Variants in DIPK1A observed in about 807,000 individuals in gnomAD.
DIPK1A encodes family with sequence similarity 69 member A.
Under a neutral mutation model 40.8 loss-of-function variants are expected in DIPK1A, and 27 were observed. The ratio of observed to expected loss-of-function variants is 0.66; its 90% CI spans 0.49 to 0.91. The LOEUF is 0.91. DIPK1A is among the 40% of genes least tolerant of loss of function. The pLI is 0.00. For synonymous variants in DIPK1A, 166 were observed against 171.3 expected, an observed-to-expected ratio of 0.97 and a Z score of 0.24; for missense variants, 412 against 505.7, an observed-to-expected ratio of 0.81 and a Z score of 1.78.
intron 2 of DIPK1A, among the ~76,000 whole-genome samples, chr1:92,873,160 C>A (rs1647955186): frequency 6.6e-6 from 1 of 152,142 alleles, no homozygotes; most frequent in Non-Finnish European, 1.5e-5. Context: ...GGGTTCATTC[C>A]TTTAAGGTCT....
chr1:92,897,117 A>T (rs1343323168), intron 1 of DIPK1A, among the ~76,000 whole-genome samples: 4 of 152,180 alleles, frequency 2.6e-5, no homozygotes, highest in East Asian at 3.9e-4. Flanking sequence ...GGGATCTAGA[A>T]CTAGAAATAA....
chr1:92,887,287 A>G (rs552973374), intron 1 of DIPK1A, among the ~76,000 whole-genome samples: 6 of 149,894 alleles, frequency 4.0e-5, no homozygotes, highest in African/African-American at 1.5e-4. Flanking sequence ...TTAGCTAGGC[A>G]TAGTGGCATG....
intron 4 of DIPK1A, among the ~76,000 whole-genome samples, chr1:92,844,958 T>C (rs1183112240): frequency 6.9e-6 from 1 of 144,122 alleles, no homozygotes; most frequent in African/African-American, 2.5e-5. Flanking sequence ...TTTTTTTTTT[T>C]TTTTGAGACG....
At chr1:92,893,131 A>T (rs1202127953) in intron 1 of DIPK1A, among the ~76,000 whole-genome samples, 3 of 151,828 alleles carry the variant, frequency 2.0e-5, no homozygotes. Context: ...GCCAACATTC[A>T]GATTCAGGAA....
At chr1:92,908,511 T>A (rs1252134550) in intron 1 of DIPK1A, among the ~76,000 whole-genome samples, 1 of 152,176 alleles carries the variant, frequency 6.6e-6, no homozygotes, top group Admixed American at 6.5e-5. Context: ...AACATGGAAG[T>A]CACTGTTGAC....
intron 1 of DIPK1A, among the ~76,000 whole-genome samples, chr1:92,913,113 T>A (rs1649900672): frequency 6.6e-6 from 1 of 151,898 alleles, no homozygotes. Flanking sequence ...GATAACAGAG[T>A]TAATCAGGCC....
At chr1:92,901,341 C>T (rs1285273401) in intron 1 of DIPK1A, among the ~76,000 whole-genome samples, 1 of 151,868 alleles carries the variant, frequency 6.6e-6, no homozygotes, top group Non-Finnish European at 1.5e-5. Context: ...GTCCTAGGTG[C>T]AGGGTTTTGC....
rs1651998956 is a variant in DIPK1A, at chr1:92,959,903, C to CCT, written c.54+1472_54+1473insAG. Among the ~76,000 whole-genome samples the CCT allele has an allele frequency of 1.0e-4, 5 of 47,876 alleles. No individual in the cohort carries two copies. The South Asian group carries it at 6.7e-3, about 64-fold the overall frequency. 31.4% of individuals were successfully genotyped at this position (47,876 alleles called of 152,430 possible). On this transcript the variant is annotated intron_variant, in intron 1 of 4. Coordinates refer to ENST00000370310, the MANE Select transcript of DIPK1A (RefSeq NM_001006605.5). ...GCTGGGACCACAGGCACCCAACCAA[C>CCT]TTTTTTTTTTTTTTTTTTTTTTTTG...
rs1301494922 is a variant in DIPK1A, at chr1:92,861,134, A to G, written c.190-10179T>C. Among the ~76,000 whole-genome samples, 5 of 152,180 alleles carry G rather than the reference A, an allele frequency of 3.3e-5. No individual in the cohort carries two copies. The East Asian group carries it at 9.6e-4, about 29-fold the overall frequency. On this transcript the variant is annotated intron_variant, in intron 2 of 4. Transcript: ENST00000370310. ...AACGTATATCCTTGCTTTGATCCTAATATCAGTGATTATATATTCAGACTT... is the reference window on the plus strand; with the variant it reads ...AACGTATATCCTTGCTTTGATCCTAGTATCAGTGATTATATATTCAGACTT...
chr1:92,937,596 A>C (rs1219186634), intron 1 of DIPK1A, among the ~76,000 whole-genome samples: 1 of 152,196 alleles, frequency 6.6e-6, no homozygotes, highest in Non-Finnish European at 1.5e-5. Flanking sequence ...AACTATTGCC[A>C]AAGTTGCTTT....
At chr1:92,940,459 G>T (rs1324065878) in intron 1 of DIPK1A, among the ~76,000 whole-genome samples, 2 of 151,986 alleles carry the variant, frequency 1.3e-5, no homozygotes, top group Non-Finnish European at 2.9e-5. Context: ...TTTAATTAAG[G>T]GACTTTTGGT....
chr1:92,878,881 C>T (rs1648250316), intron 1 of DIPK1A, among the ~76,000 whole-genome samples: 1 of 151,808 alleles, frequency 6.6e-6, no homozygotes, highest in Non-Finnish European at 1.5e-5. Flanking sequence ...GTGGCATGCA[C>T]CTGTAATCCC....
At position 92,922,101 on chromosome 1, in the gene DIPK1A, A is replaced by T. The variant is rs1317031312; in HGVS notation, c.54+39275T>A. Among the ~76,000 whole-genome samples, 16 of 152,132 alleles carry T rather than the reference A, an allele frequency of 1.1e-4. No homozygotes were observed. In the East Asian group the frequency reaches 2.9e-3, roughly 27 times the overall value. On this transcript the variant is annotated intron_variant, in intron 1 of 4. Transcript: ENST00000370310. Reference sequence around the variant, plus strand: ...TATTTAAATAATATTTATGTTCTCTAGTTTAACTGTTTAATTAAAATCTTA... The same window carrying T: ...TATTTAAATAATATTTATGTTCTCTTGTTTAACTGTTTAATTAAAATCTTA...
intron 1 of DIPK1A, among the ~76,000 whole-genome samples, chr1:92,956,466 A>G (rs1651858755): frequency 6.6e-6 from 1 of 152,252 alleles, no homozygotes; most frequent in South Asian, 2.1e-4. Flanking sequence ...AAAGTTAATG[A>G]GAACTATACA....
chr1:92,936,194 A>G (rs980284975), intron 1 of DIPK1A, among the ~76,000 whole-genome samples: 6 of 152,242 alleles, frequency 3.9e-5, no homozygotes, highest in Non-Finnish European at 4.4e-5. Context: ...AGTCAGCAAG[A>G]AAAACAATGT....
intron 3 of DIPK1A, among the ~76,000 whole-genome samples, chr1:92,848,971 G>C (rs1389377821): frequency 6.6e-6 from 1 of 152,120 alleles, no homozygotes; most frequent in African/African-American, 2.4e-5. Flanking sequence ...ACCCCAATTA[G>C]ATATTCTACT....
intron 1 of DIPK1A, among the ~76,000 whole-genome samples, chr1:92,895,877 CA>C (rs1267838700): frequency 5.9e-5 from 9 of 151,962 alleles, no homozygotes; most frequent in Admixed American, 2.0e-4. Context: ...AACAGAGAGC[CA>C]AATCATCAGT....
chr1:92,895,170 C>T (rs961613312), intron 1 of DIPK1A, among the ~76,000 whole-genome samples: 2 of 151,736 alleles, frequency 1.3e-5, no homozygotes, highest in Non-Finnish European at 2.9e-5. Flanking sequence ...CAGCACCATC[C>T]TGATACCAAA....
chr1:92,857,807 G>C (rs1396174273), intron 2 of DIPK1A, among the ~76,000 whole-genome samples: 1 of 152,140 alleles, frequency 6.6e-6, no homozygotes, highest in Non-Finnish European at 1.5e-5. Context: ...GGCAGAGTTG[G>C]AACCTGAGCC....
Sources: allele counts gnomAD v4.1 joint callset (sites outside exome capture counted in the v4.1 genomes callset), GRCh38; gene constraint gnomAD v4.1.1; transcripts MANE v1.5; gene names NCBI Gene and HGNC (gene_info 2026-07-23, HGNC 2026-07-21).